The following CHCHD7 variants were observed in gnomAD, a reference collection of about 807,000 sequenced individuals.
CHCHD7 encodes coiled-coil-helix-coiled-coil-helix domain containing 7.
A neutral mutation model predicts 10.5 loss-of-function variants in CHCHD7; 7 were observed. That is an observed-to-expected ratio of 0.67 (90% CI 0.38 to 1.25). The LOEUF (loss-of-function observed/expected upper bound fraction) is 1.25. Ranked by LOEUF, CHCHD7 falls within the 50% of genes most tolerant of loss-of-function variation. The probability of loss-of-function intolerance (pLI) is 0.02; values close to 1 mark genes in which losing one functional copy is unlikely to be tolerated. For synonymous variants in CHCHD7, 40 were observed against 36.0 expected (o/e 1.11, Z -0.40); for missense variants, 100 against 104.5 (o/e 0.96, Z 0.19).
chr8:56,214,625 AAC>A lies in CHCHD7; in HGVS notation c.16_17del (p.Gln6GlufsTer6). MPSV[T>X]QRLRDPDINP... ...AGAAGACTGTTAGAATGCCCTCGGT[AAC>A]ACAGAGGCTGAGAGATCCTGACATA... is the stretch of plus-strand genomic sequence containing the variant. On this transcript the variant is annotated frameshift_variant, in exon 2 of 4. Transcript: ENST00000355315. LOFTEE classifies it high-confidence loss of function. 4 of 1,613,352 alleles carry A rather than the reference AAC, an allele frequency of 2.5e-6. No individual in the cohort carries two copies. The highest frequency in any genetic ancestry group is 3.4e-6 in the Non-Finnish European group (4 of 1,179,412).
intron 2 of CHCHD7, chr8:56,215,012 C>T (rs1813259171): frequency 5.2e-6 from 1 of 191,604 alleles, no homozygotes; most frequent in South Asian, 1.1e-4. Context: ...GTTTCACTAG[C>T]AATAATATCA....
chr8:56,214,722 C>T (rs1298871375), intron 2 of CHCHD7, 55 bp downstream of exon 2: 20 of 1,418,976 alleles, frequency 1.4e-5, no homozygotes, highest in East Asian at 1.4e-4. Context: ...ACAGGCTGCT[C>T]TAGTTTTGTG....
intron 1 of CHCHD7, chr8:56,213,816 A>T (rs1310546930): frequency 6.6e-6 from 1 of 152,244 alleles, no homozygotes; most frequent in Non-Finnish European, 1.5e-5. Flanking sequence ...TCATAATGTC[A>T]ACTAAGCAAT....
chr8:56,215,705 G>T (rs1813309891), intron 2 of CHCHD7: 1 of 152,108 alleles, frequency 6.6e-6, no homozygotes, highest in African/African-American at 2.4e-5. Flanking sequence ...TGTGGCCTGG[G>T]GGTTGGGGAC....
chr8:56,215,703 G>C (rs1358274715), intron 2 of CHCHD7: 1 of 152,164 alleles, frequency 6.6e-6, no homozygotes, highest in Non-Finnish European at 1.5e-5. Context: ...TTTGTGGCCT[G>C]GGGGTTGGGG....
rs1404594327 is a variant in CHCHD7 at position 56,214,636 on chromosome 8, T to A, written c.23T>A (p.Leu8Gln). MPSVTQR[L>Q]RDPDINPCLS... ...AGAATGCCCTCGGTAACACAGAGGCTGAGAGATCCTGACATAAATCCTTGT... is the reference window on the plus strand; with the variant it reads ...AGAATGCCCTCGGTAACACAGAGGCAGAGAGATCCTGACATAAATCCTTGT... The change falls in exon 2 of 4, where the codon CTG (leucine) becomes CAG (glutamine). Residue 8 changes from leucine (L) to glutamine (Q), a missense_variant. Transcript: ENST00000355315. 2.5e-6 allele frequency: 4 copies of A among 1,613,628 alleles called. No individual in the cohort carries two copies. In the East Asian group the frequency reaches 8.9e-5, roughly 36 times the overall value.
chr8:56,215,982 A>T (rs1331753424), intron 2 of CHCHD7, among the ~76,000 whole-genome samples: 1 of 152,228 alleles, frequency 6.6e-6, no homozygotes, highest in Non-Finnish European at 1.5e-5. Context: ...TAGACCAGTT[A>T]TTAGTGATTT....
At chr8:56,212,702 TCG>T in intron 1 of CHCHD7, 1 of 618,530 alleles carries the variant, frequency 1.6e-6, no homozygotes, top group Non-Finnish European at 2.9e-6. Flanking sequence ...AGCGGAGCAC[TCG>T]ATGTTGTAAT....
At chr8:56,212,699 C>T (rs1345973299) in intron 1 of CHCHD7, 2 of 612,564 alleles carry the variant, frequency 3.3e-6, no homozygotes, top group Non-Finnish European at 5.9e-6. Flanking sequence ...TTTAGCGGAG[C>T]ACTCGATGTT....
rs774852478 is a variant in CHCHD7, at chr8:56,216,413, G to A, written c.55-20G>A. Reference sequence around the variant, plus strand: ...GATCCTGTTCTACCTTTTAAATGATGCCTCTCTTATATCTGTAAGGAATCT... The same window carrying A: ...GATCCTGTTCTACCTTTTAAATGATACCTCTCTTATATCTGTAAGGAATCT... On this transcript the variant is annotated intron_variant, in intron 2 of 3. Transcript: ENST00000355315. The A allele has an allele frequency of 6.2e-7, 1 of 1,613,784 alleles. No individual in the cohort carries two copies. Among genetic ancestry groups the A allele is most frequent in the African/African-American group, 1.3e-5 (1 of 75,016 alleles).
At chr8:56,213,945 G>A (rs926341389) in intron 1 of CHCHD7, 3 of 152,162 alleles carry the variant, frequency 2.0e-5, no homozygotes, top group African/African-American at 7.2e-5. Flanking sequence ...TTCTTATTTT[G>A]TACGCTAATT....
intron 1 of CHCHD7, chr8:56,214,360 C>T (rs1001825153): frequency 1.5e-5 from 5 of 330,502 alleles, no homozygotes; most frequent in East Asian, 4.9e-5. Context: ...CGTGAGACAC[C>T]GCACCCAGCC....
chr8:56,217,523 C>T lies in CHCHD7; in HGVS notation c.*88C>T. ...CTGTAATATTTAAGACTGTACACCC[C>T]TCACCCAGACAGACCTTAAGTTCTT... On this transcript the variant is annotated 3_prime_UTR_variant, in exon 4 of 4. Coordinates refer to ENST00000355315, the MANE Select transcript of CHCHD7 (RefSeq NM_001011671.3). 1.3e-6 allele frequency: 1 copy of T among 786,860 alleles called. No individual in the cohort carries two copies. The highest frequency in any genetic ancestry group is 2.1e-6 in the Non-Finnish European group (1 of 481,638). 48.7% of individuals were successfully genotyped at this position (786,860 alleles called of 1,614,324 possible). A position where few individuals can be genotyped will look rare whatever the true frequency, so the allele number is the denominator to read the frequency against.
chr8:56,217,395 G>A lies in CHCHD7; in HGVS notation c.218G>A (p.Arg73Lys), dbSNP rs756870875. 27 of 1,611,966 alleles carry A rather than the reference G, an allele frequency of 1.7e-5. No homozygotes were observed. The highest frequency in any genetic ancestry group is 2.3e-5 in the Non-Finnish European group (27 of 1,178,144). The stretch of plus-strand genomic sequence containing the variant: ...CCATTTATGCCTACGGCAGCAGAAA[G>A]AGATGAAATCTTGAGAGCAGTGGGA... ...VKPFMPTAAE[R>K]DEILRAVGNM... The change falls in exon 4 of 4, where the codon AGA becomes AAA. Residue 73 changes from arginine to lysine, a missense_variant. Transcript: ENST00000355315.
intron 1 of CHCHD7, 166 bp from the exon 2 acceptor site, chr8:56,214,432 A>G: frequency 1.9e-6 from 1 of 515,218 alleles, no homozygotes; most frequent in Non-Finnish European, 3.5e-6. Context: ...ACAAAGGAAA[A>G]ACACGTTCAA....
At chr8:56,212,582 C>T (rs900096250) in intron 1 of CHCHD7, 2 of 371,028 alleles carry the variant, frequency 5.4e-6, no homozygotes, top group African/African-American at 4.1e-5. Flanking sequence ...GGTTTTGTGG[C>T]CCCTCCTTCA....
chr8:56,212,799 C>A (rs561323022), intron 1 of CHCHD7: 4 of 1,206,278 alleles, frequency 3.3e-6, no homozygotes, highest in Middle Eastern at 1.9e-4. Flanking sequence ...AGGGGACTTT[C>A]GGAAATCCAA....
At chr8:56,213,022 T>C (rs767841854) in intron 1 of CHCHD7, 3 of 662,650 alleles carry the variant, frequency 4.5e-6, no homozygotes, top group Non-Finnish European at 8.0e-6. Context: ...TTGAGATTAT[T>C]AAATCTAAGG....
Position 56,217,556 on chromosome 8 carries a change from A to C in CHCHD7, c.*121A>C. ...GACAGACCTTAAGTTCTTCAAGTGG[A>C]GACAGTGAAGTCACCCCGTGTCCTT... On this transcript the variant is annotated 3_prime_UTR_variant, in exon 4 of 4. Transcript: ENST00000355315. 1.7e-6 allele frequency: 1 copy of C among 602,688 alleles called. No individual in the cohort carries two copies. Among genetic ancestry groups the C allele is most frequent in the Non-Finnish European group, 2.9e-6 (1 of 346,790 alleles). The allele number at this position is 602,688 out of a possible 1,614,324, so 37.3% of individuals were successfully genotyped here.
Sources: gnomAD v4.1 joint callset for allele counts (sites outside exome capture counted in the v4.1 genomes callset) on GRCh38, gnomAD v4.1.1 for gene constraint, MANE v1.5 for transcripts, NCBI Gene and HGNC (gene_info 2026-07-23, HGNC 2026-07-21) for gene names.